NRG1: variants seen among roughly 807,000 people sequenced by gnomAD.
NRG1 encodes pro-neuregulin-1, membrane-bound isoform.
Under a neutral mutation model 63.8 loss-of-function variants are expected in NRG1, and 18 were observed. That is an observed-to-expected ratio of 0.28 (90% CI 0.19 to 0.42). The LOEUF (loss-of-function observed/expected upper bound fraction) is 0.42, where lower values mean the gene tolerates loss of function less well. Among genes scored for constraint, NRG1 ranks in the 10% least tolerant of loss-of-function variants. NRG1 has a pLI of 1.00. For synonymous variants in NRG1, 302 were observed against 301.3 expected (o/e 1.00, Z -0.02); for missense variants, 762 against 814.7 (o/e 0.94, Z 0.79).
chr8:31,789,275 T>C (rs868477993), intron 1 of NRG1, among the ~76,000 whole-genome samples: 6 of 152,368 alleles, frequency 3.9e-5, no homozygotes, highest in Middle Eastern at 3.4e-3. Context: ...CAGTAAGTTC[T>C]TCACCTCTGC....
chr8:32,521,887 G>A (rs1048780280), intron 1 of NRG1, among the ~76,000 whole-genome samples: 2 of 152,192 alleles, frequency 1.3e-5, no homozygotes, highest in East Asian at 1.9e-4. Context: ...CTCTCTTCCT[G>A]CTTTTTTTAG....
chr8:31,824,877 C>T (rs6986520), intron 1 of NRG1, among the ~76,000 whole-genome samples: 197 of 152,210 alleles, frequency 1.3e-3, no homozygotes, highest in African/African-American at 4.5e-3. Context: ...CACTTCTACA[C>T]CACATAAGTA....
intron 1 of NRG1, among the ~76,000 whole-genome samples, chr8:31,908,630 A>G (rs34693011): frequency 0.049 from 7,481 of 152,300 alleles, 236 homozygotes; most frequent in Middle Eastern, 0.13. Context: ...TTTGTATTTC[A>G]CAGTTATAAA....
At chr8:32,351,077 A>G (rs543073354) in intron 1 of NRG1, among the ~76,000 whole-genome samples, 6 of 152,304 alleles carry the variant, frequency 3.9e-5, no homozygotes, top group Admixed American at 3.9e-4. Flanking sequence ...GGAATCTAAA[A>G]GTAGTTTTTT....
chr8:32,291,858 A>G (rs952070072), intron 1 of NRG1, among the ~76,000 whole-genome samples: 2 of 152,106 alleles, frequency 1.3e-5, no homozygotes, highest in African/African-American at 4.8e-5. Context: ...ATGTGACTTA[A>G]AACAAGCAAC....
At chr8:31,641,084 T>A (rs1803727169) in intron 1 of NRG1, among the ~76,000 whole-genome samples, 1 of 152,128 alleles carries the variant, frequency 6.6e-6, no homozygotes, top group Admixed American at 6.5e-5. Context: ...ATTCTGGGCC[T>A]CCTTTGAAGG....
rs1461763109 is a variant in NRG1, at chr8:31,873,647, A to G, written c.37+234216A>G. On this transcript the variant is annotated intron_variant, in intron 1 of 10. Transcript: ENST00000519301. ...GGCTGAGAAGAACAAGAATGCTGAC[A>G]TTTGTTTTGTGAAATGGGTCTGAAT... is the stretch of plus-strand genomic sequence containing the variant. Among the ~76,000 whole-genome samples the G allele has an allele frequency of 2.0e-5, 3 of 152,200 alleles. No individual in the cohort carries two copies. In the East Asian group the frequency reaches 5.8e-4, roughly 29 times the overall value.
intron 5 of NRG1, among the ~76,000 whole-genome samples, chr8:32,705,845 G>A (rs10092449): frequency 0.13 from 20,372 of 152,154 alleles, 1,586 homozygotes; most frequent in Middle Eastern, 0.29. Context: ...GTTGCAATGA[G>A]TCCCATTGAA....
chr8:32,490,500 C>T (rs567360189), intron 1 of NRG1, among the ~76,000 whole-genome samples: 144 of 151,806 alleles, frequency 9.5e-4, no homozygotes, highest in Middle Eastern at 6.8e-3. Context: ...GCTTTGTATT[C>T]ATGAAGTGGG....
chr8:32,202,991 A>G (rs1464709791), intron 1 of NRG1, among the ~76,000 whole-genome samples: 3 of 151,806 alleles, frequency 2.0e-5, no homozygotes, highest in Non-Finnish European at 4.4e-5. Context: ...TCCTGTCCAT[A>G]TCACTAGGAA....
chr8:32,688,218 G>A (rs1049368754), intron 5 of NRG1, among the ~76,000 whole-genome samples: 10 of 152,272 alleles, frequency 6.6e-5, no homozygotes, highest in Middle Eastern at 6.8e-3. Flanking sequence ...ACTAACATAC[G>A]TACGAAACAT....
At chr8:32,210,455 G>T (rs1257053744) in intron 1 of NRG1, among the ~76,000 whole-genome samples, 1 of 152,116 alleles carries the variant, frequency 6.6e-6, no homozygotes, top group African/African-American at 2.4e-5. Context: ...CCTCCCGAAA[G>T]GGTCTTGAAG....
Position 32,148,951 on chromosome 8 carries a change from G to A in NRG1, c.38-446877G>A, listed in dbSNP as rs546602819. Among the ~76,000 whole-genome samples, 11 of 152,156 alleles carry A rather than the reference G, an allele frequency of 7.2e-5. No individual in the cohort carries two copies. The East Asian group carries it at 1.7e-3, about 24-fold the overall frequency. On this transcript the variant is annotated intron_variant, in intron 1 of 10. Transcript: ENST00000519301. ...TGGATCACCTCTATTATTTTACATTGGGCATCTATCATCCAGGACCTATGT... is the reference window on the plus strand; with the variant it reads ...TGGATCACCTCTATTATTTTACATTAGGCATCTATCATCCAGGACCTATGT...
At chr8:32,104,477 C>T (rs1830999562) in intron 1 of NRG1, among the ~76,000 whole-genome samples, 1 of 151,730 alleles carries the variant, frequency 6.6e-6, no homozygotes, top group Admixed American at 6.6e-5. Flanking sequence ...TTTAGGCTAC[C>T]TATATTTATA....
At chr8:31,912,629 A>G (rs1290077021) in intron 1 of NRG1, among the ~76,000 whole-genome samples, 2 of 117,478 alleles carry the variant, frequency 1.7e-5, no homozygotes, top group Non-Finnish European at 3.4e-5. Flanking sequence ...ACGTTTGTCT[A>G]TTATTCAGGA....
At chr8:32,647,955 C>T (rs779521318) in intron 5 of NRG1, 1 of 1,614,144 alleles carries the variant, frequency 6.2e-7, no homozygotes. Flanking sequence ...CTGCATTGTC[C>T]CCATCCTGGC....
chr8:32,760,470 T>G, intron 11 of NRG1, 64 bp downstream of exon 11: 1 of 1,603,282 alleles, frequency 6.2e-7, no homozygotes. Flanking sequence ...TGTGAGCACC[T>G]GCGGTCTCAC....
At chr8:32,299,022 T>C (rs1316979043) in intron 1 of NRG1, among the ~76,000 whole-genome samples, 1 of 84,530 alleles carries the variant, frequency 1.2e-5, no homozygotes, top group African/African-American at 6.2e-5. Flanking sequence ...TTAGACTCTA[T>C]CTCAAAAAAA....
At chr8:32,485,699 A>G (rs776329125) in intron 1 of NRG1, among the ~76,000 whole-genome samples, 2 of 152,198 alleles carry the variant, frequency 1.3e-5, no homozygotes, top group Non-Finnish European at 2.9e-5. Context: ...CAAGTAAACA[A>G]TTGTCAGAAT....
Sources: gnomAD v4.1 joint callset for allele counts (sites outside exome capture counted in the v4.1 genomes callset) on GRCh38, gnomAD v4.1.1 for gene constraint, MANE v1.5 for transcripts, NCBI Gene and HGNC (gene_info 2026-07-23, HGNC 2026-07-21) for gene names.